Variants in ABCC11 observed in about 807,000 individuals in gnomAD.
ABCC11 encodes ATP-binding cassette sub-family C member 11.
ABCC11 carries 135 observed loss-of-function variants against 149.3 expected under a neutral mutation model. That is an observed-to-expected ratio of 0.90 (90% confidence interval 0.79 to 1.04). ABCC11 has a LOEUF of 1.04. ABCC11 is among the 50% of genes least tolerant of loss of function. The pLI is 0.00. For synonymous variants in ABCC11, 665 were observed against 671.4 expected (o/e 0.99, Z 0.15); for missense variants, 1,680 against 1,722.1 (o/e 0.98, Z 0.43).
chr16:48,222,929 G>A, intron 5 of ABCC11, 98 bp from the exon 6 acceptor site: 2 of 1,053,432 alleles, frequency 1.9e-6, no homozygotes, highest in South Asian at 3.1e-5. Context: ...GATTCATGCT[G>A]GGGGTTTGTT....
chr16:48,174,925 C>A (rs1395302813), intron 26 of ABCC11, among the ~76,000 whole-genome samples: 1 of 152,216 alleles, frequency 6.6e-6, no homozygotes, highest in Non-Finnish European at 1.5e-5. Flanking sequence ...CAGCCCTGAG[C>A]TCCTGGGCTC....
intron 29 of ABCC11, 28 bp from the exon 30 acceptor site, chr16:48,167,394 G>A (rs1409456538): frequency 6.6e-7 from 1 of 1,513,808 alleles, no homozygotes; most frequent in African/African-American, 1.4e-5. Flanking sequence ...GCGAGGGGAG[G>A]ATCAGGGCAC....
At chr16:48,213,376 A>AT in intron 10 of ABCC11, 67 bp downstream of exon 10, 1 of 1,422,812 alleles carries the variant, frequency 7.0e-7, no homozygotes, top group East Asian at 2.3e-5. Context: ...CTGGAGGAAC[A>AT]TCATGGGGGC....
Position 48,205,404 on chromosome 16 carries a change from G to A in ABCC11, c.1805+9C>T, listed in dbSNP as rs752468159. ...CCTGTACTCTCCCTTTCCCCTCCCA[G>A]GAGCTTACCGGGCCTTGTCATATGC... On this transcript the variant is annotated intron_variant, in intron 13 of 29. Coordinates refer to ENST00000356608, the MANE Select transcript of ABCC11 (RefSeq NM_001370497.1). 1 of 1,614,142 alleles carries A rather than the reference G, an allele frequency of 6.2e-7. No homozygotes were observed. Among genetic ancestry groups the A allele is most frequent in the South Asian group, 1.1e-5 (1 of 91,076 alleles).
rs145175432 is a variant in ABCC11, at chr16:48,216,220, A to G, written c.845T>C (p.Leu282Pro). The change falls in exon 7 of 30, where the codon CTG becomes CCG. Residue 282 changes from leucine to proline, a missense_variant. By Grantham distance (98) the Leu-to-Pro change is moderately conservative. Coordinates refer to ENST00000356608, the MANE Select transcript of ABCC11 (RefSeq NM_001370497.1). Reference sequence around the variant, plus strand: ...GATGACCAGCGATGCGCAGGTGATCAGTACTAGGGGTCCATAGCACACCCC... The same window carrying G: ...GATGACCAGCGATGCGCAGGTGATCGGTACTAGGGGTCCATAGCACACCCC... Reference protein sequence around the residue: ...FEGVCYGPLVLITCASLVICS... With the variant: ...FEGVCYGPLVPITCASLVICS... The G allele has an allele frequency of 1.2e-6, 2 of 1,614,138 alleles. No individual in the cohort carries two copies. Among genetic ancestry groups the G allele is most frequent in the African/African-American group, 2.7e-5 (2 of 75,056 alleles).
rs1965325058 is a variant in ABCC11 at position 48,166,065 on chromosome 16, A to T, written c.*1209T>A. On this transcript the variant is annotated 3_prime_UTR_variant, in exon 30 of 30. Coordinates refer to ENST00000356608, the MANE Select transcript of ABCC11 (RefSeq NM_001370497.1). ...AGCTGCTATCTGGGGCCTGGCCAGCATCCATATCCATTCTTCCCTCAGGCA... is the reference window on the plus strand; with the variant it reads ...AGCTGCTATCTGGGGCCTGGCCAGCTTCCATATCCATTCTTCCCTCAGGCA... 6.6e-6 allele frequency among the ~76,000 whole-genome samples: 1 copy of T among 152,230 alleles called. No homozygotes were observed. The highest frequency in any genetic ancestry group is 2.4e-5 in the African/African-American group (1 of 41,458).
intron 7 of ABCC11, 105 bp from the exon 8 acceptor site, chr16:48,215,449 A>G: frequency 7.4e-7 from 1 of 1,343,854 alleles, no homozygotes; most frequent in Non-Finnish European, 1.0e-6. Flanking sequence ...GTGTATTTCC[A>G]AAGAGAGGTT....
At chr16:48,210,141 C>T (rs866089724) in intron 11 of ABCC11, 6 of 152,110 alleles carry the variant, frequency 3.9e-5, no homozygotes, top group African/African-American at 7.2e-5. Context: ...TCCCAGGAAA[C>T]GGAAGATTTG....
In ABCC11 at chr16:48,174,442, A is replaced by G. The variant is rs1297753630; in HGVS notation, c.3698+816T>C. ...ACCTAGCCTGCTTTTTAGTGCATCC[A>G]TCTTCCTCAGTCCCCATGCCTTGAT... On this transcript the variant is annotated intron_variant, in intron 26 of 29. Coordinates refer to ENST00000356608, the MANE Select transcript of ABCC11 (RefSeq NM_001370497.1). 8.5e-5 allele frequency among the ~76,000 whole-genome samples: 13 copies of G among 152,328 alleles called. No individual in the cohort carries two copies. In the East Asian group the frequency reaches 2.3e-3, roughly 27 times the overall value.
Position 48,230,840 on chromosome 16 carries a change from T to C in ABCC11, c.100-267A>G, listed in dbSNP as rs192598961. Among the ~76,000 whole-genome samples the C allele has an allele frequency of 1.7e-3, 253 of 152,200 alleles. 2 individuals are homozygous for C. The highest frequency in any genetic ancestry group is 2.5e-3 in the Non-Finnish European group (170 of 68,002). ...TGACAGTAAACAATTTAGACAGGAA[T>C]AAAGGGTGCCATAGTTAGTTACCTG... On this transcript the variant is annotated intron_variant, in intron 2 of 29. Coordinates refer to ENST00000356608, the MANE Select transcript of ABCC11 (RefSeq NM_001370497.1).
At chr16:48,187,450 G>T in intron 20 of ABCC11, 23 bp from the exon 21 acceptor site, 2 of 1,570,990 alleles carry the variant, frequency 1.3e-6, no homozygotes, top group South Asian at 1.1e-5. Flanking sequence ...AATCAACGCA[G>T]ACCATGAGAG....
chr16:48,176,271 C>T (rs62058528), intron 25 of ABCC11, among the ~76,000 whole-genome samples: 32,980 of 152,004 alleles, frequency 0.22, 4,308 homozygotes, highest in African/African-American at 0.36. Flanking sequence ...CTCTGGGGTG[C>T]CCAGGAGTGG....
intron 18 of ABCC11, among the ~76,000 whole-genome samples, chr16:48,195,836 A>G (rs1481456298): frequency 6.6e-6 from 1 of 152,162 alleles, no homozygotes; most frequent in Non-Finnish European, 1.5e-5. Context: ...AAAACCTGCT[A>G]AGGGAGCAGA....
chr16:48,179,708 T>A (rs933971730), intron 23 of ABCC11, among the ~76,000 whole-genome samples: 1 of 152,158 alleles, frequency 6.6e-6, no homozygotes, highest in Non-Finnish European at 1.5e-5. Flanking sequence ...GGAGTGCCAC[T>A]GGGATGCACA....
chr16:48,239,128 A>G (rs184385645), intron 1 of ABCC11, among the ~76,000 whole-genome samples: 30 of 152,230 alleles, frequency 2.0e-4, no homozygotes, highest in Admixed American at 1.1e-3. Flanking sequence ...AAAACAAGCA[A>G]TGGGGAAAGG....
rs148539097 is a variant in ABCC11 at position 48,184,505 on chromosome 16, C to T, written c.3193G>A (p.Val1065Met). The change falls in exon 23 of 30, where the codon GTG (valine) becomes ATG (methionine). Residue 1065 changes from valine to methionine, a missense_variant. Physicochemically the swap from Val to Met is conservative, Grantham distance 21 (BLOSUM62 1). Coordinates refer to ENST00000356608, the MANE Select transcript of ABCC11 (RefSeq NM_001370497.1). ...GGGGTGGAGGAAATGCCAAAAGCCACGAACAGGGCAACAGCCAAGGTCACA... is the reference window on the plus strand; with the variant it reads ...GGGGTGGAGGAAATGCCAAAAGCCATGAACAGGGCAACAGCCAAGGTCACA... ...NLVTLAVALF[V>M]AFGISSTPYS... is the part of the protein sequence containing the mutation. 6,213 of 1,614,220 alleles carry T rather than the reference C, an allele frequency of 3.8e-3. 21 individuals are homozygous for T. The highest frequency in any genetic ancestry group is 4.8e-3 in the Non-Finnish European group (5,719 of 1,180,042).
chr16:48,230,512 C>G lies in ABCC11; in HGVS notation c.161G>C (p.Gly54Ala), dbSNP rs151293814. The change falls in exon 3 of 30, where the codon GGG becomes GCG. Residue 54 changes from glycine (G) to alanine (A), a missense_variant. Transcript: ENST00000356608. ...CCCCCACGGTGGGACAGCTGCCCTC[C>G]CTGGAGCCTCAGGATTTCTCTCTTG... ...SQQERNPEAP[G>A]RAAVPPWGKY... 11 of 1,612,402 alleles carry G rather than the reference C, an allele frequency of 6.8e-6. No individual in the cohort carries two copies. The African/African-American group carries it at 1.5e-4, about 22-fold the overall frequency.
chr16:48,175,524 T>A, intron 25 of ABCC11, 107 bp from the exon 26 acceptor site: 2 of 1,318,530 alleles, frequency 1.5e-6, no homozygotes, highest in Non-Finnish European at 2.0e-6. Context: ...CGTGGCCCAT[T>A]CTTCATCACT....
At chr16:48,225,191 C>T (rs970011946) in intron 4 of ABCC11, among the ~76,000 whole-genome samples, 2 of 151,786 alleles carry the variant, frequency 1.3e-5, no homozygotes, top group South Asian at 2.1e-4. Context: ...CCAGCCTGGG[C>T]GACAGAGCGA....
Sources: allele counts gnomAD v4.1 joint callset (sites outside exome capture counted in the v4.1 genomes callset), GRCh38; gene constraint gnomAD v4.1.1; transcripts MANE v1.5; gene names NCBI Gene and HGNC (gene_info 2026-07-23, HGNC 2026-07-21).